FSTL4: variants seen among roughly 807,000 people sequenced by gnomAD.
FSTL4 encodes the protein follistatin like 4.
A neutral mutation model predicts 78.2 loss-of-function variants in FSTL4; 28 were observed. The ratio of observed to expected loss-of-function variants is 0.36; its 90% CI spans 0.27 to 0.49. The LOEUF (loss-of-function observed/expected upper bound fraction) is 0.49, where lower values mean the gene tolerates loss of function less well. FSTL4 is among the 20% of genes least tolerant of loss of function. The probability of loss-of-function intolerance (pLI) is 0.98; values close to 1 mark genes in which losing one functional copy is unlikely to be tolerated. For synonymous variants in FSTL4, 422 were observed against 440.5 expected, an observed-to-expected ratio of 0.96 and a Z score of 0.53; for missense variants, 922 against 1,084.9, an observed-to-expected ratio of 0.85 and a Z score of 2.11.
chr5:133,359,765 A>G (rs1755029252), intron 4 of FSTL4, among the ~76,000 whole-genome samples: 1 of 152,214 alleles, frequency 6.6e-6, no homozygotes, highest in Non-Finnish European at 1.5e-5. Context: ...TTTTAAAAGC[A>G]TTTCCTTTAC....
the FSTL4 span, among the ~76,000 whole-genome samples, chr5:133,793,321 G>A: frequency 3.3e-5 from 5 of 152,208 alleles, no homozygotes; most frequent in African/African-American, 1.2e-4. Context: ...CCCCGCCATG[G>A]GCACATCCCC....
At chr5:133,505,287 AT>A (rs1257661326) in intron 3 of FSTL4, among the ~76,000 whole-genome samples, 1 of 152,220 alleles carries the variant, frequency 6.6e-6, no homozygotes, top group Non-Finnish European at 1.5e-5. Context: ...AAAAGGTATT[AT>A]TTTTAAACAT....
the FSTL4 span, among the ~76,000 whole-genome samples, chr5:133,822,196 C>T: frequency 1.3e-5 from 2 of 152,320 alleles, no homozygotes; most frequent in South Asian, 4.1e-4. Flanking sequence ...CCAAAGTGCA[C>T]ATCTTTAATA....
In FSTL4 at chr5:133,571,199, C is replaced by T. The variant is rs79582199; in HGVS notation, c.127-3980G>A. Among the ~76,000 whole-genome samples the T allele has an allele frequency of 4.2e-3, 636 of 152,182 alleles. 3 individuals carry two copies. Among genetic ancestry groups the T allele is most frequent in the Non-Finnish European group, 6.4e-3 (433 of 68,002 alleles). ...ATTAGGCTTTCCAAGAAATAGTCGC[C>T]CTGACAAATGCAGCAGACTTACTGC... On this transcript the variant is annotated intron_variant, in intron 2 of 15. Coordinates refer to ENST00000265342, the MANE Select transcript of FSTL4 (RefSeq NM_015082.2).
chr5:133,754,892 G>T, the FSTL4 span, among the ~76,000 whole-genome samples: 1 of 152,058 alleles, frequency 6.6e-6, no homozygotes, highest in Non-Finnish European at 1.5e-5. Context: ...CCCACACCCT[G>T]AAGTCAAACT....
upstream of FSTL4, among the ~76,000 whole-genome samples, chr5:133,615,393 G>A (rs1761181386): frequency 6.6e-6 from 1 of 152,188 alleles, no homozygotes; most frequent in East Asian, 1.9e-4. Flanking sequence ...GCCCTGGATG[G>A]GAGGCACAAG....
chr5:133,215,284 G>T (rs1750870140), intron 13 of FSTL4, among the ~76,000 whole-genome samples: 1 of 152,024 alleles, frequency 6.6e-6, no homozygotes, highest in Non-Finnish European at 1.5e-5. Context: ...AGTGCTTCAG[G>T]ACTCCAATCT....
chr5:133,313,561 T>C (rs1753838442), intron 5 of FSTL4, among the ~76,000 whole-genome samples: 1 of 152,072 alleles, frequency 6.6e-6, no homozygotes, highest in South Asian at 2.1e-4. Flanking sequence ...TGCTCGGAAC[T>C]GAAGGTCTTG....
chr5:133,381,155 A>G (rs1755558392), intron 4 of FSTL4, among the ~76,000 whole-genome samples: 1 of 152,228 alleles, frequency 6.6e-6, no homozygotes, highest in Non-Finnish European at 1.5e-5. Context: ...TGCCTAGAGT[A>G]CACGCTAGAG....
At chr5:133,343,247 A>G (rs1561679975) in intron 4 of FSTL4, among the ~76,000 whole-genome samples, 1 of 152,236 alleles carries the variant, frequency 6.6e-6, no homozygotes, top group African/African-American at 2.4e-5. Flanking sequence ...AGGAGGACAG[A>G]GGGAGGGTTG....
chr5:133,752,425 T>G, the FSTL4 span, among the ~76,000 whole-genome samples: 27 of 152,170 alleles, frequency 1.8e-4, no homozygotes, highest in Non-Finnish European at 3.4e-4. Context: ...GAGACCAGCC[T>G]GGCCAACATG....
chr5:133,351,343 T>C (rs1754819114), intron 4 of FSTL4, among the ~76,000 whole-genome samples: 2 of 152,354 alleles, frequency 1.3e-5, no homozygotes, highest in South Asian at 4.1e-4. Context: ...GAACTTATTA[T>C]ACTTTCTCAA....
chr5:133,596,215 AG>A (rs33976393), intron 2 of FSTL4, among the ~76,000 whole-genome samples: 19,573 of 152,184 alleles, frequency 0.13, 1,628 homozygotes, highest in African/African-American at 0.24. Flanking sequence ...CAGCCTGAGC[AG>A]GGGAAGAGAC....
intron 4 of FSTL4, among the ~76,000 whole-genome samples, chr5:133,350,883 T>G (rs1453674864): frequency 6.6e-6 from 1 of 152,196 alleles, no homozygotes; most frequent in Non-Finnish European, 1.5e-5. Context: ...CACATAACAC[T>G]TCTGCTCCAT....
chr5:133,339,536 C>T lies in FSTL4; in HGVS notation c.410-22884G>A, dbSNP rs1356330539. The stretch of plus-strand genomic sequence containing the variant: ...CTTGTCCACATGTCCCTCCCACCAT[C>T]GACATGAGCCAATGGGGGTCCTGGC... On this transcript the variant is annotated intron_variant, in intron 4 of 15. Coordinates refer to ENST00000265342, the MANE Select transcript of FSTL4 (RefSeq NM_015082.2). 3.3e-5 allele frequency among the ~76,000 whole-genome samples: 5 copies of T among 152,106 alleles called. No homozygotes were observed. The East Asian group carries it at 7.7e-4, about 24-fold the overall frequency.
At chr5:133,305,317 T>C (rs1280095903) in intron 6 of FSTL4, among the ~76,000 whole-genome samples, 1 of 152,210 alleles carries the variant, frequency 6.6e-6, no homozygotes, top group African/African-American at 2.4e-5. Flanking sequence ...CTCCAAGCCC[T>C]GGCCTCTGAG....
chr5:133,382,532 C>T (rs113518468), intron 4 of FSTL4, among the ~76,000 whole-genome samples: 1 of 152,144 alleles, frequency 6.6e-6, no homozygotes, highest in Non-Finnish European at 1.5e-5. Context: ...TACTTATAAT[C>T]CAGACTGTGA....
intron 4 of FSTL4, among the ~76,000 whole-genome samples, chr5:133,353,476 G>T (rs908165514): frequency 6.6e-6 from 1 of 152,124 alleles, no homozygotes; most frequent in African/African-American, 2.4e-5. Context: ...GGCCCCAGGC[G>T]TTCCTCCTGC....
At chr5:133,732,995 C>T in the FSTL4 span, among the ~76,000 whole-genome samples, 1 of 152,226 alleles carries the variant, frequency 6.6e-6, no homozygotes, top group Non-Finnish European at 1.5e-5. Context: ...AATTGCATTC[C>T]TTCCTGAACA....
Sources: allele counts gnomAD v4.1 joint callset (sites outside exome capture counted in the v4.1 genomes callset), GRCh38; gene constraint gnomAD v4.1.1; transcripts MANE v1.5; gene names NCBI Gene and HGNC (gene_info 2026-07-23, HGNC 2026-07-21).